The following DHCR24 variants were observed in gnomAD, a reference collection of about 807,000 sequenced individuals.
DHCR24 encodes delta(24)-sterol reductase.
Under a neutral mutation model 61.2 loss-of-function variants are expected in DHCR24, and 28 were observed. That is an observed-to-expected ratio of 0.46 (90% CI 0.34 to 0.63). The LOEUF (loss-of-function observed/expected upper bound fraction) is 0.63. Ranked by LOEUF, DHCR24 falls within the 20% of genes least tolerant of loss-of-function variation. The probability of loss-of-function intolerance (pLI) is 0.01; values close to 1 mark genes in which losing one functional copy is unlikely to be tolerated. For synonymous variants in DHCR24, 261 were observed against 275.9 expected (o/e 0.95, Z 0.54); for missense variants, 538 against 679.1 (o/e 0.79, Z 2.31).
At chr1:54,853,657 G>C (rs761360627) in intron 7 of DHCR24, 45 bp from the exon 8 acceptor site, 20 of 1,582,108 alleles carry the variant, frequency 1.3e-5, no homozygotes, top group Non-Finnish European at 1.5e-5. Context: ...TTCTCCAACA[G>C]GTGACAGGCT....
In DHCR24 at chr1:54,852,136, C is replaced by A; in HGVS notation, c.*97G>T. The A allele has an allele frequency of 6.7e-7, 1 of 1,500,188 alleles. No homozygotes were observed. Among genetic ancestry groups the A allele is most frequent in the South Asian group, 1.2e-5 (1 of 84,922 alleles). The allele number at this position is 1,500,188 out of a possible 1,614,324, so 92.9% of individuals were successfully genotyped here. On this transcript the variant is annotated 3_prime_UTR_variant, in exon 9 of 9. Coordinates refer to ENST00000371269, the MANE Select transcript of DHCR24 (RefSeq NM_014762.4). ...CAGGGTGGGAGTTCTGGAGGGGTTT[C>A]TCTTTGAAAGTGTGGATCTAGGAAA... is the stretch of plus-strand genomic sequence containing the variant.
In DHCR24 at chr1:54,874,972, T is replaced by C; in HGVS notation, c.612+121A>G. On this transcript the variant is annotated intron_variant, in intron 4 of 8. Coordinates refer to ENST00000371269, the MANE Select transcript of DHCR24 (RefSeq NM_014762.4). ...GGCTACACAAATTTTTGTTTACAGA[T>C]ATAGACCCAGACTGAACAGGTACTG... is the stretch of plus-strand genomic sequence containing the variant. The C allele has an allele frequency of 3.4e-6, 3 of 877,832 alleles. No individual in the cohort carries two copies. In the East Asian group the frequency reaches 7.2e-5, roughly 21 times the overall value. The allele number at this position is 877,832 out of a possible 1,614,324, so 54.4% of individuals were successfully genotyped here. A position where few individuals can be genotyped will look rare whatever the true frequency, so the allele number is the denominator to read the frequency against.
Position 54,871,689 on chromosome 1 carries a change from A to G in DHCR24, c.613-76T>C. The G allele has an allele frequency of 2.5e-6, 4 of 1,592,784 alleles. No individual in the cohort carries two copies. The South Asian group carries it at 4.5e-5, about 18-fold the overall frequency. On this transcript the variant is annotated intron_variant, in intron 4 of 8. Transcript: ENST00000371269. ...GTGGCATGCAGTCAGTGGGGGAGCA[A>G]AGCCTGGGAGAGTCCCTATTCTCTC...
At chr1:54,862,270 T>C (rs1383279198) in intron 6 of DHCR24, among the ~76,000 whole-genome samples, 1 of 152,186 alleles carries the variant, frequency 6.6e-6, no homozygotes, top group Non-Finnish European at 1.5e-5. Context: ...CCTCTCTTGA[T>C]AGTGAGCCTC....
Position 54,879,322 on chromosome 1 carries a change from G to GGAAAAAAAAAAAAAAA in DHCR24, c.388-3276_388-3275insTTTTTTTTTTTTTTTC. On this transcript the variant is annotated intron_variant, in intron 2 of 8. Coordinates refer to ENST00000371269, the MANE Select transcript of DHCR24 (RefSeq NM_014762.4). The stretch of plus-strand genomic sequence containing the variant: ...TGGAGGACAGAGCAAGACTCCATCT[G>GGAAAAAAAAAAAAAAA]AAAAAAAAAAAAAAAAAAAAAAAAA... Among the ~76,000 whole-genome samples the GGAAAAAAAAAAAAAAA allele has an allele frequency of 1.8e-5, 2 of 108,536 alleles. 1 individual carries two copies. The highest frequency in any genetic ancestry group is 2.2e-4 in the Admixed American group (2 of 9,106). The allele number at this position is 108,536 out of a possible 152,430, so 71.2% of individuals were successfully genotyped here.
At chr1:54,878,553 T>TAAAAA (rs1647047676) in intron 2 of DHCR24, among the ~76,000 whole-genome samples, 1 of 131,314 alleles carries the variant, frequency 7.6e-6, no homozygotes, top group African/African-American at 2.9e-5. Context: ...AGATAATAGG[T>TAAAAA]AATAGTACCA....
At chr1:54,873,622 T>C (rs978542120) in intron 4 of DHCR24, among the ~76,000 whole-genome samples, 2 of 152,214 alleles carry the variant, frequency 1.3e-5, no homozygotes, top group Non-Finnish European at 2.9e-5. Context: ...CTTGACTCTG[T>C]GTAGGCCTAA....
intron 4 of DHCR24, 112 bp from the exon 5 acceptor site, chr1:54,871,725 A>G: frequency 1.4e-6 from 2 of 1,434,836 alleles, no homozygotes; most frequent in Non-Finnish European, 1.9e-6. Flanking sequence ...ACTCTCTTGT[A>G]TAAACCCAAA....
chr1:54,866,854 A>AT (rs965693241), intron 5 of DHCR24, among the ~76,000 whole-genome samples: 19 of 152,196 alleles, frequency 1.2e-4, no homozygotes, highest in African/African-American at 4.6e-4. Context: ...TGTGGATGGT[A>AT]TGGGGCAGCG....
intron 1 of DHCR24, chr1:54,886,633 C>T (rs1351658710): frequency 6.7e-7 from 1 of 1,487,928 alleles, no homozygotes; most frequent in Non-Finnish European, 9.0e-7. Context: ...TGCTTCGCAC[C>T]TCCCCCTCTT....
chr1:54,852,471 C>T (rs1646881483), intron 8 of DHCR24, 85 bp from the exon 9 acceptor site: 2 of 1,488,796 alleles, frequency 1.3e-6, no homozygotes, highest in Non-Finnish European at 9.3e-7. Context: ...CATTCTGCAG[C>T]CCAGAAAAGG....
chr1:54,876,332 T>G lies in DHCR24; in HGVS notation c.388-285A>C, dbSNP rs1008253402. ...GAGAAATACTCATTCACTTAGAAGATACAGCAAAAGTGAAGAAGAAAACAA... is the reference window on the plus strand; with the variant it reads ...GAGAAATACTCATTCACTTAGAAGAGACAGCAAAAGTGAAGAAGAAAACAA... On this transcript the variant is annotated intron_variant, in intron 2 of 8. Transcript: ENST00000371269. Among the ~76,000 whole-genome samples the G allele has an allele frequency of 2.0e-5, 3 of 152,232 alleles. No homozygotes were observed. In the East Asian group the frequency reaches 5.8e-4, roughly 29 times the overall value.
rs2075390 is a variant in DHCR24, at chr1:54,875,433, C to T, written c.494-222G>A. ...GGGTGTCCTTAGAGGAAGGGAGTGG[C>T]GAGCAGACCTTGTCAAGTGTACTCA... is the stretch of plus-strand genomic sequence containing the variant. On this transcript the variant is annotated intron_variant, in intron 3 of 8. Coordinates refer to ENST00000371269, the MANE Select transcript of DHCR24 (RefSeq NM_014762.4). Among the ~76,000 whole-genome samples, 68,488 of 151,734 alleles carry T rather than the reference C, an allele frequency of 0.45. 17,633 individuals carry two copies. The highest frequency in any genetic ancestry group is 0.66 in the South Asian group (3,181 of 4,798).
Position 54,886,985 on chromosome 1 carries a change from G to A in DHCR24, c.135C>T (p.Ile45=). 6 of 1,613,790 alleles carry A rather than the reference G, an allele frequency of 3.7e-6. No homozygotes were observed. Among genetic ancestry groups the A allele is most frequent in the Non-Finnish European group, 5.1e-6 (6 of 1,179,768 alleles). ...VCLFLLPLSL[I]FDIYYYVRAW... ...CGCGCACGTAGTAGTAGATATCGAA[G>A]ATAAGCGAGAGCGGCAGGAGGAAGA... The change falls in exon 1 of 9, where the codon ATC becomes ATT. Residue 45 remains isoleucine (I), a synonymous_variant. Transcript: ENST00000371269.
At chr1:54,878,514 C>CAAAAAAAAAAAAAAAAA (rs56198608) in intron 2 of DHCR24, among the ~76,000 whole-genome samples, 10 of 54,326 alleles carry the variant, frequency 1.8e-4, no homozygotes, top group Admixed American at 3.1e-4. Flanking sequence ...AACTCTGTCT[C>CAAAAAAAAAAAAAAAAA]AAAAAAAAAA....
intron 5 of DHCR24, among the ~76,000 whole-genome samples, chr1:54,866,106 G>C (rs1347478927): frequency 1.3e-5 from 2 of 152,108 alleles, no homozygotes; most frequent in Non-Finnish European, 2.9e-5. Context: ...TGGGATGGCT[G>C]AGCTTCTCCT....
At chr1:54,857,792 G>A (rs1007406551) in intron 6 of DHCR24, among the ~76,000 whole-genome samples, 1 of 152,108 alleles carries the variant, frequency 6.6e-6, no homozygotes, top group African/African-American at 2.4e-5. Context: ...CCTGCTTTTT[G>A]CACCTGGCCC....
chr1:54,865,960 C>T (rs1465322132), intron 5 of DHCR24, among the ~76,000 whole-genome samples: 1 of 152,172 alleles, frequency 6.6e-6, no homozygotes, highest in East Asian at 1.9e-4. Flanking sequence ...CCCCAGGCAG[C>T]CACCATCGTC....
Position 54,883,510 on chromosome 1 carries a change from T to C in DHCR24, c.387+108A>G. 1 of 1,339,586 alleles carries C rather than the reference T, an allele frequency of 7.5e-7. No individual in the cohort carries two copies. 83.0% of individuals were successfully genotyped at this position (1,339,586 alleles called of 1,614,324 possible). ...TATCTTCTATGACTGTGGGCATTGG[T>C]CCTGTCCACTCTGCAATGCCCTTGG... is the stretch of plus-strand genomic sequence containing the variant. On this transcript the variant is annotated intron_variant, in intron 2 of 8. Transcript: ENST00000371269. This position sits in a 1 kb window ranked among gnomAD's most constrained non-coding sequence, Gnocchi z 4.3.
Sources: gnomAD v4.1 joint callset for allele counts (sites outside exome capture counted in the v4.1 genomes callset) on GRCh38, gnomAD v4.1.1 for gene constraint, Gnocchi (gnomAD v3.1) non-coding constraint, MANE v1.5 for transcripts, NCBI Gene and HGNC (gene_info 2026-07-23, HGNC 2026-07-21) for gene names.